Variants in LTA4H observed in about 807,000 individuals in gnomAD.
LTA4H encodes the protein leukotriene A4 hydrolase.
In LTA4H, 59 loss-of-function variants were observed where a neutral mutation model predicts 89.8. The observed-to-expected ratio is 0.66, with a 90% CI of 0.53 to 0.82. The LOEUF is 0.82. Among genes scored for constraint, LTA4H ranks in the 40% least tolerant of loss-of-function variants. The probability of loss-of-function intolerance (pLI) is 0.00; values close to 1 mark genes in which losing one functional copy is unlikely to be tolerated. For synonymous variants in LTA4H, 227 were observed against 253.1 expected, an observed-to-expected ratio of 0.90 and a Z score of 0.98; for missense variants, 617 against 727.0, an observed-to-expected ratio of 0.85 and a Z score of 1.74.
At chr12:96,009,596 A>G (rs982334231) in intron 14 of LTA4H, 1 of 161,560 alleles carries the variant, frequency 6.2e-6, no homozygotes, top group African/African-American at 2.4e-5. Context: ...CTGCTACATA[A>G]TTGGCACCGT....
Position 96,027,635 on chromosome 12 carries a change from A to G in LTA4H, c.291-71T>C, listed in dbSNP as rs1360575319. 3.3e-6 allele frequency: 3 copies of G among 904,306 alleles called. No individual in the cohort carries two copies. The African/African-American group carries it at 5.2e-5, about 16-fold the overall frequency. 56.0% of individuals were successfully genotyped at this position (904,306 alleles called of 1,614,324 possible). A position where few individuals can be genotyped will look rare whatever the true frequency, so the allele number is the denominator to read the frequency against. On this transcript the variant is annotated intron_variant, in intron 2 of 18. Transcript: ENST00000228740. ...GTGAAAATTTAAACTCATAATACATACACTGAATAATATAAATAACATAGT... is the reference window on the plus strand; with the variant it reads ...GTGAAAATTTAAACTCATAATACATGCACTGAATAATATAAATAACATAGT...
At chr12:96,018,213 A>G (rs1950404466) in intron 8 of LTA4H, among the ~76,000 whole-genome samples, 1 of 152,154 alleles carries the variant, frequency 6.6e-6, no homozygotes, top group South Asian at 2.1e-4. Flanking sequence ...TACCGTGAAC[A>G]TAATATTCTC....
intron 2 of LTA4H, among the ~76,000 whole-genome samples, 179 bp downstream of exon 2, chr12:96,028,876 A>C (rs1950540772): frequency 6.6e-6 from 1 of 152,216 alleles, no homozygotes; most frequent in Non-Finnish European, 1.5e-5. Flanking sequence ...TTAGTATCTT[A>C]AGTATATATA....
At chr12:96,017,155 T>A in intron 9 of LTA4H, 41 bp from the exon 10 acceptor site, 1 of 1,269,908 alleles carries the variant, frequency 7.9e-7, no homozygotes, top group Non-Finnish European at 1.1e-6. Flanking sequence ...CTGATTATCT[T>A]AACCTAAAAT....
At chr12:96,021,380 TCA>T (rs565978980) in intron 5 of LTA4H, among the ~76,000 whole-genome samples, 148 of 152,302 alleles carry the variant, frequency 9.7e-4, no homozygotes, top group South Asian at 4.6e-3. Flanking sequence ...CAAAAGCTTC[TCA>T]CACATGAAAA....
At chr12:96,028,356 C>A (rs1225724263) in intron 2 of LTA4H, among the ~76,000 whole-genome samples, 1 of 152,140 alleles carries the variant, frequency 6.6e-6, no homozygotes, top group Admixed American at 6.5e-5. Flanking sequence ...ACAAGCTAGA[C>A]TTAAGTGTTT....
At position 96,029,148 on chromosome 12, in the gene LTA4H, A is replaced by G. The variant is rs1950544485; in HGVS notation, c.197T>C (p.Val66Ala). The change falls in exon 2 of 19, where the codon GTG becomes GCG. Residue 66 changes from valine (V) to alanine (A), a missense_variant. Around this residue, in one of 3 missense-constraint regions of LTA4H, gnomAD observed 155 missense variants for 143.3 expected, o/e 1.08. Transcript: ENST00000228740. ...DTKDLTIEKVVINGQEVKYAL... is the reference protein window; with the variant it reads ...DTKDLTIEKVAINGQEVKYAL... ...ATATTTGACTTCTTGTCCATTGATC[A>G]CTACTTTTTCTATTGTAAGGTCCTT... 6.3e-7 allele frequency: 1 copy of G among 1,578,964 alleles called. No homozygotes were observed. The highest frequency in any genetic ancestry group is 8.7e-7 in the Non-Finnish European group (1 of 1,155,050).
In LTA4H at chr12:96,019,229, G is replaced by C; in HGVS notation, c.650C>G (p.Pro217Arg). The change falls in exon 7 of 19, where the codon CCA becomes CGA. Residue 217 changes from proline (P) to arginine (R), a missense_variant. Pro to Arg is a moderately radical substitution (Grantham distance 103, BLOSUM62 -2). Transcript: ENST00000228740. Reference sequence around the variant, plus strand: ...TTTCTCAGACCACACCAAAGTTCTTGGGCCAATTTGCCTGCAAGATTAAAA... The same window carrying C: ...TTTCTCAGACCACACCAAAGTTCTTCGGCCAATTTGCCTGCAAGATTAAAA... ...VGALESRQIG[P>R]RTLVWSEKEQ... 1 of 1,609,948 alleles carries C rather than the reference G, an allele frequency of 6.2e-7. No individual in the cohort carries two copies. Among genetic ancestry groups the C allele is most frequent in the Non-Finnish European group, 8.5e-7 (1 of 1,178,908 alleles).
rs755425616 is a variant in LTA4H at position 96,003,868 on chromosome 12, T to C, written c.1583A>G (p.Asn528Ser). 7.5e-6 allele frequency: 12 copies of C among 1,610,424 alleles called. No individual in the cohort carries two copies. The highest frequency in any genetic ancestry group is 3.4e-5 in the Admixed American group (2 of 59,598). ...TCGTATTTCAGAATTGTTAATGGCA[T>C]TGAAGTTGTACACCTCTTGCATTCG... Reference protein sequence around the residue: ...IKRMQEVYNFNAINNSEIRFR... With the variant: ...IKRMQEVYNFSAINNSEIRFR... Residue 528 changes from asparagine to serine, a missense_variant, in exon 17 of 19, where the codon AAT becomes AGT. Asn to Ser is a conservative substitution (Grantham distance 46, BLOSUM62 1). Coordinates refer to ENST00000228740, the MANE Select transcript of LTA4H (RefSeq NM_000895.3).
intron 6 of LTA4H, 66 bp from the exon 7 acceptor site, chr12:96,019,306 TA>T: frequency 7.3e-7 from 1 of 1,364,710 alleles, no homozygotes; most frequent in Admixed American, 1.9e-5. Context: ...TTCTAAAAAG[TA>T]GTTAATGTCT....
chr12:96,021,220 G>A, intron 5 of LTA4H, 83 bp from the exon 6 acceptor site: 1 of 1,056,850 alleles, frequency 9.5e-7, no homozygotes, highest in Non-Finnish European at 1.3e-6. Context: ...ATATTTAAAA[G>A]TAAGTAAATT....
Position 96,006,162 on chromosome 12 carries a change from A to G in LTA4H, c.1530+152T>C, listed in dbSNP as rs1566002036. ...TAGCACAATATAAAACACAGTAAGC[A>G]TTCAATGCTTTTTTAAAGAAATGAA... On this transcript the variant is annotated intron_variant, in intron 16 of 18. Coordinates refer to ENST00000228740, the MANE Select transcript of LTA4H (RefSeq NM_000895.3). 6.7e-5 allele frequency: 36 copies of G among 541,098 alleles called. No individual in the cohort carries two copies. The East Asian group carries it at 9.5e-4, about 14-fold the overall frequency. 33.5% of individuals were successfully genotyped at this position (541,098 alleles called of 1,614,324 possible). A position where few individuals can be genotyped will look rare whatever the true frequency, so the allele number is the denominator to read the frequency against.
chr12:96,042,976 C>G (rs2136931724), intron 1 of LTA4H, among the ~76,000 whole-genome samples: 1 of 152,328 alleles, frequency 6.6e-6, no homozygotes, highest in South Asian at 2.1e-4. Context: ...GCCACCAGGT[C>G]TGTCAGGATC....
chr12:96,037,786 G>A (rs945025993), upstream of LTA4H, among the ~76,000 whole-genome samples: 2 of 141,386 alleles, frequency 1.4e-5, no homozygotes, highest in African/African-American at 5.2e-5. Flanking sequence ...TCCGCCTCCC[G>A]GGTTCACACC....
At chr12:96,040,699 C>A (rs1351884270) in intron 1 of LTA4H, among the ~76,000 whole-genome samples, 1 of 152,198 alleles carries the variant, frequency 6.6e-6, no homozygotes, top group East Asian at 1.9e-4. Context: ...ATAGCCAGGT[C>A]TCTGGGGATC....
rs938958451 is a variant in LTA4H, at chr12:96,024,349, T to C, written c.480+130A>G. 5.3e-5 allele frequency: 29 copies of C among 550,818 alleles called. No homozygotes were observed. In the African/African-American group the frequency reaches 5.4e-4, roughly 10 times the overall value. The allele number at this position is 550,818 out of a possible 1,614,324, so 34.1% of individuals were successfully genotyped here. Reference sequence around the variant, plus strand: ...GAGTGCCACAGCCTCTTTGTTTACATATTTCAGGTAGAATTTCATTAAGAA... The same window carrying C: ...GAGTGCCACAGCCTCTTTGTTTACACATTTCAGGTAGAATTTCATTAAGAA... On this transcript the variant is annotated intron_variant, in intron 4 of 18. Transcript: ENST00000228740.
rs568652627 is a variant in LTA4H, at chr12:96,005,801, T to TAC, written c.1530+511_1530+512dup. Reference sequence around the variant, plus strand: ...TTTCACTCTGTTGCTCAGGCTGGAGTACAGGGGTGTGATCTCGGCTCACTG... The same window carrying TAC: ...TTTCACTCTGTTGCTCAGGCTGGAGTACACAGGGGTGTGATCTCGGCTCACTG... On this transcript the variant is annotated intron_variant, in intron 16 of 18. Coordinates refer to ENST00000228740, the MANE Select transcript of LTA4H (RefSeq NM_000895.3). Among the ~76,000 whole-genome samples, 27 of 152,290 alleles carry TAC rather than the reference T, an allele frequency of 1.8e-4. No individual in the cohort carries two copies. The East Asian group carries it at 5.2e-3, about 29-fold the overall frequency.
chr12:96,013,341 T>C, intron 13 of LTA4H, 83 bp from the exon 14 acceptor site: 1 of 803,510 alleles, frequency 1.2e-6, no homozygotes, highest in African/African-American at 1.7e-5. Flanking sequence ...TCCTTAGATA[T>C]ATAATTTTGT....
Position 96,022,280 on chromosome 12 carries a change from C to A in LTA4H, c.481-29G>T. On this transcript the variant is annotated intron_variant, in intron 4 of 18. Coordinates refer to ENST00000228740, the MANE Select transcript of LTA4H (RefSeq NM_000895.3). The surrounding 1 kb of genome is among the most constrained non-coding windows in gnomAD (Gnocchi z 4.0). ...ATCAAGGAGAAAAATCATTTCTAGT[C>A]ATAAATAAAAGCTTCTATGTGTCTT... The A allele has an allele frequency of 7.0e-7, 1 of 1,438,010 alleles. No homozygotes were observed. The highest frequency in any genetic ancestry group is 1.2e-5 in the South Asian group (1 of 85,548). 89.1% of individuals were successfully genotyped at this position (1,438,010 alleles called of 1,614,324 possible). A position where few individuals can be genotyped will look rare whatever the true frequency, so the allele number is the denominator to read the frequency against.
Sources: allele counts gnomAD v4.1 joint callset (sites outside exome capture counted in the v4.1 genomes callset), GRCh38; gene constraint gnomAD v4.1.1; regional missense constraint gnomAD v4.1.1; non-coding constraint Gnocchi (gnomAD v3.1); transcripts MANE v1.5; gene names NCBI Gene and HGNC (gene_info 2026-07-23, HGNC 2026-07-21).